Variants in SLC9B1 observed in about 807,000 individuals in gnomAD.
The protein encoded by SLC9B1 is sodium/hydrogen exchanger 9B1.
SLC9B1 carries 32 observed loss-of-function variants against 51.7 expected under a neutral mutation model. That is an observed-to-expected ratio of 0.62 (90% CI 0.47 to 0.83). The LOEUF is 0.83. Among genes scored for constraint, SLC9B1 ranks in the 40% least tolerant of loss-of-function variants. SLC9B1 has a pLI of 0.00. For missense variants in SLC9B1, 406 were observed against 613.2 expected (o/e 0.66, Z 3.57); for synonymous variants, 145 against 212.7 (o/e 0.68, Z 2.77).
chr4:102,892,947 A>C (rs1297921478), intron 11 of SLC9B1: 1 of 152,160 alleles, frequency 6.6e-6, no homozygotes, highest in Non-Finnish European at 1.5e-5. Context: ...AACCCTATAG[A>C]ATGCTACCAA....
chr4:103,016,387 T>C (rs533238628), intron 1 of SLC9B1, among the ~76,000 whole-genome samples: 1 of 152,248 alleles, frequency 6.6e-6, no homozygotes, highest in Admixed American at 6.5e-5. Context: ...ATTACCTCCA[T>C]TTCTTGGCTC....
At chr4:102,970,062 C>T (rs1368459386) in intron 3 of SLC9B1, among the ~76,000 whole-genome samples, 1 of 152,130 alleles carries the variant, frequency 6.6e-6, no homozygotes, top group Non-Finnish European at 1.5e-5. Flanking sequence ...GGAAAACACT[C>T]TTCAGGATAT....
At chr4:102,963,856 A>T (rs1188345608) in intron 3 of SLC9B1, among the ~76,000 whole-genome samples, 3 of 152,212 alleles carry the variant, frequency 2.0e-5, no homozygotes, top group Admixed American at 2.0e-4. Flanking sequence ...AGAAAGAAAA[A>T]ATAATCTAAA....
chr4:102,950,371 G>A (rs1299939026), intron 3 of SLC9B1, among the ~76,000 whole-genome samples: 2 of 152,152 alleles, frequency 1.3e-5, no homozygotes, highest in African/African-American at 2.4e-5. Flanking sequence ...TAGACATCTT[G>A]TTTCTGGCAA....
At chr4:102,984,956 A>C (rs10015289) in intron 3 of SLC9B1, among the ~76,000 whole-genome samples, 88,060 of 151,962 alleles carry the variant, frequency 0.58, 26,890 homozygotes, top group African/African-American at 0.79. Context: ...GCTGGGACTA[A>C]AGATGCATAC....
At chr4:102,906,674 AT>A (rs1735072456) in intron 9 of SLC9B1, 30 bp from the exon 10 acceptor site, 2 of 1,311,184 alleles carry the variant, frequency 1.5e-6, no homozygotes, top group South Asian at 1.3e-5. Context: ...ATTTATAATG[AT>A]TTTGGCACAT....
At chr4:102,949,668 C>A (rs375819054) in intron 3 of SLC9B1, among the ~76,000 whole-genome samples, 1 of 152,184 alleles carries the variant, frequency 6.6e-6, no homozygotes, top group South Asian at 2.1e-4. Context: ...ATATTTAAAA[C>A]CTATATGTGG....
At chr4:102,917,428 T>A (rs1735630446) in intron 7 of SLC9B1, among the ~76,000 whole-genome samples, 1 of 146,182 alleles carries the variant, frequency 6.8e-6, no homozygotes, top group African/African-American at 2.5e-5. Flanking sequence ...TTTATATGCA[T>A]GTATCTATAT....
chr4:102,976,892 T>C (rs533375198), intron 3 of SLC9B1, among the ~76,000 whole-genome samples: 1 of 152,330 alleles, frequency 6.6e-6, no homozygotes, highest in African/African-American at 2.4e-5. Flanking sequence ...TTATTATCTG[T>C]AATCCCAGAA....
intron 6 of SLC9B1, among the ~76,000 whole-genome samples, chr4:102,933,466 T>C (rs1736564019): frequency 6.6e-6 from 1 of 152,224 alleles, no homozygotes; most frequent in Non-Finnish European, 1.5e-5. Flanking sequence ...TGTTGTATTA[T>C]TTTTCTCATT....
chr4:103,001,348 C>A lies in SLC9B1; in HGVS notation c.-1-9636G>T, dbSNP rs182212424. On this transcript the variant is annotated intron_variant, in intron 1 of 11. Transcript: ENST00000296422. ...AAATGTCTGCAGGCAGCTTGAACTTCTCCCCCAAAAATGGATTTTTCTTTT... is the reference window on the plus strand; with the variant it reads ...AAATGTCTGCAGGCAGCTTGAACTTATCCCCCAAAAATGGATTTTTCTTTT... 2.3e-3 allele frequency among the ~76,000 whole-genome samples: 348 copies of A among 152,360 alleles called. 2 individuals carry two copies. Among genetic ancestry groups the A allele is most frequent in the African/African-American group, 7.8e-3 (326 of 41,584 alleles).
chr4:103,017,818 A>C (rs979201260), intron 1 of SLC9B1, among the ~76,000 whole-genome samples: 5 of 152,222 alleles, frequency 3.3e-5, no homozygotes. Flanking sequence ...CGATCTTGCT[A>C]GTCTTTCTTA....
chr4:102,917,337 T>C (rs1735626598), intron 7 of SLC9B1, among the ~76,000 whole-genome samples: 1 of 152,118 alleles, frequency 6.6e-6, no homozygotes, highest in African/African-American at 2.4e-5. Flanking sequence ...AGATGGCCTA[T>C]TGTGGGACTT....
At chr4:102,971,822 A>G (rs1477976758) in intron 3 of SLC9B1, among the ~76,000 whole-genome samples, 1 of 152,250 alleles carries the variant, frequency 6.6e-6, no homozygotes, top group East Asian at 1.9e-4. Flanking sequence ...CACTGATCCC[A>G]TGGAAATACA....
intron 3 of SLC9B1, among the ~76,000 whole-genome samples, chr4:102,950,466 C>T (rs1194144504): frequency 6.6e-6 from 1 of 152,128 alleles, no homozygotes; most frequent in Non-Finnish European, 1.5e-5. Flanking sequence ...AATTAAATTG[C>T]TACCTTTATT....
rs987786406 is a variant in SLC9B1 at position 103,019,651 on chromosome 4, T to C, written c.-54A>G. On this transcript the variant is annotated 5_prime_UTR_variant, in exon 1 of 12. Coordinates refer to ENST00000296422, the MANE Select transcript of SLC9B1 (RefSeq NM_139173.4). ...GCCCGGGAGCGGCCCAGGAGCCCAGTGACCGTTGCGTAAGCCACGCGCCAC... is the reference window on the plus strand; with the variant it reads ...GCCCGGGAGCGGCCCAGGAGCCCAGCGACCGTTGCGTAAGCCACGCGCCAC... 1 of 985,326 alleles carries C rather than the reference T, an allele frequency of 1.0e-6. No homozygotes were observed. The highest frequency in any genetic ancestry group is 1.7e-5 in the African/African-American group (1 of 57,240). The allele number at this position is 985,326 out of a possible 1,614,324, so 61.0% of individuals were successfully genotyped here. A position where few individuals can be genotyped will look rare whatever the true frequency, so the allele number is the denominator to read the frequency against.
intron 3 of SLC9B1, among the ~76,000 whole-genome samples, chr4:102,987,436 C>T (rs1051271018): frequency 3.3e-5 from 5 of 152,090 alleles, no homozygotes; most frequent in Non-Finnish European, 5.9e-5. Flanking sequence ...TATTAGAAGT[C>T]ATCACTCTGT....
At chr4:102,986,974 C>G (rs1006956467) in intron 3 of SLC9B1, among the ~76,000 whole-genome samples, 2 of 152,224 alleles carry the variant, frequency 1.3e-5, no homozygotes, top group South Asian at 4.1e-4. Context: ...CTGATGTTTG[C>G]TCCATTTCTT....
chr4:102,886,231 GTAA>G (rs1286228753), intron 11 of SLC9B1, among the ~76,000 whole-genome samples: 1 of 152,194 alleles, frequency 6.6e-6, no homozygotes, highest in Non-Finnish European at 1.5e-5. Context: ...GCTCACGCCT[GTAA>G]TCCCAGCACT....
Sources: gnomAD v4.1 joint callset for allele counts (sites outside exome capture counted in the v4.1 genomes callset) on GRCh38, gnomAD v4.1.1 for gene constraint, MANE v1.5 for transcripts, NCBI Gene and HGNC (gene_info 2026-07-23, HGNC 2026-07-21) for gene names.